Variants in MGAT5 observed in about 807,000 individuals in gnomAD.
MGAT5 encodes alpha-1,6-mannosylglycoprotein 6-beta-N-acetylglucosaminyltransferase A.
MGAT5 carries 30 observed loss-of-function variants against 94.3 expected under a neutral mutation model. The ratio of observed to expected loss-of-function variants is 0.32; its 90% CI spans 0.24 to 0.43. MGAT5 has a LOEUF of 0.43. Among genes scored for constraint, MGAT5 ranks in the 20% least tolerant of loss-of-function variants. The probability of loss-of-function intolerance (pLI) is 1.00; values close to 1 mark genes in which losing one functional copy is unlikely to be tolerated. For synonymous variants in MGAT5, 310 were observed against 322.9 expected, an observed-to-expected ratio of 0.96 and a Z score of 0.43; for missense variants, 691 against 905.5, an observed-to-expected ratio of 0.76 and a Z score of 3.04.
chr2:134,384,651 A>G (rs6714520), intron 10 of MGAT5, among the ~76,000 whole-genome samples: 119,971 of 152,160 alleles, frequency 0.79, 47,604 homozygotes, highest in East Asian at 0.9. Flanking sequence ...TTTGGTGTAC[A>G]AGCATTTATG....
At chr2:134,381,295 G>T (rs2106200444) in intron 10 of MGAT5, among the ~76,000 whole-genome samples, 1 of 146,994 alleles carries the variant, frequency 6.8e-6, no homozygotes, top group Non-Finnish European at 1.5e-5. Flanking sequence ...GCACTCCACT[G>T]CACTCCAGCC....
chr2:134,184,226 T>A (rs1688886306), intron 1 of MGAT5, among the ~76,000 whole-genome samples: 1 of 152,196 alleles, frequency 6.6e-6, no homozygotes, highest in Non-Finnish European at 1.5e-5. Flanking sequence ...GGGAAATGGA[T>A]CATGTTGCTT....
At chr2:134,423,273 G>A (rs1315279452) in intron 13 of MGAT5, among the ~76,000 whole-genome samples, 1 of 152,222 alleles carries the variant, frequency 6.6e-6, no homozygotes, top group Admixed American at 6.5e-5. Flanking sequence ...AGAGGGAGAA[G>A]TGCAAGGAAA....
intron 1 of MGAT5, among the ~76,000 whole-genome samples, chr2:134,204,754 G>GA (rs1679950582): frequency 6.6e-6 from 1 of 152,172 alleles, no homozygotes; most frequent in Non-Finnish European, 1.5e-5. Context: ...GTCAGCTTGT[G>GA]AACAGGTATC....
intron 4 of MGAT5, among the ~76,000 whole-genome samples, chr2:134,333,318 G>C (rs1419879872): frequency 6.6e-6 from 1 of 151,076 alleles, no homozygotes; most frequent in Non-Finnish European, 1.5e-5. Flanking sequence ...ATCATTCTCA[G>C]TAAACTATTG....
At chr2:134,270,843 T>A (rs1683983825) in intron 2 of MGAT5, among the ~76,000 whole-genome samples, 1 of 152,220 alleles carries the variant, frequency 6.6e-6, no homozygotes, top group Non-Finnish European at 1.5e-5. Flanking sequence ...TTAAATGAAA[T>A]ACAGAGGTTA....
Position 134,449,083 on chromosome 2 carries a change from T to C in MGAT5, c.*236T>C, listed in dbSNP as rs1331617858. ...AGCCTGGCTTGTCCCTGGCACAACATCATTTCTGTTTCTCAAGGAGCAACT... is the reference window on the plus strand; with the variant it reads ...AGCCTGGCTTGTCCCTGGCACAACACCATTTCTGTTTCTCAAGGAGCAACT... On this transcript the variant is annotated 3_prime_UTR_variant, in exon 16 of 16. Coordinates refer to ENST00000281923, the MANE Select transcript of MGAT5 (RefSeq NM_002410.5). 1.8e-5 allele frequency: 10 copies of C among 554,934 alleles called. No individual in the cohort carries two copies. The highest frequency in any genetic ancestry group is 3.2e-5 in the Non-Finnish European group (10 of 309,612). The allele number at this position is 554,934 out of a possible 1,614,324, so 34.4% of individuals were successfully genotyped here. A position where few individuals can be genotyped will look rare whatever the true frequency, so the allele number is the denominator to read the frequency against.
At chr2:134,434,825 TAA>T (rs1481848975) in intron 14 of MGAT5, among the ~76,000 whole-genome samples, 1 of 152,230 alleles carries the variant, frequency 6.6e-6, no homozygotes, top group Non-Finnish European at 1.5e-5. Context: ...TACTGTTCGG[TAA>T]TTTTTTAGCA....
intron 1 of MGAT5, among the ~76,000 whole-genome samples, chr2:134,179,133 G>C (rs1410124992): frequency 2.0e-5 from 3 of 152,132 alleles, no homozygotes; most frequent in African/African-American, 7.2e-5. Flanking sequence ...GCAAATAAGT[G>C]TTCTTCTTCT....
At chr2:134,150,373 C>T (rs1449071913) in intron 1 of MGAT5, among the ~76,000 whole-genome samples, 1 of 152,136 alleles carries the variant, frequency 6.6e-6, no homozygotes, top group African/African-American at 2.4e-5. Flanking sequence ...TGTAAATTGT[C>T]CCCTGGTTTC....
At chr2:134,231,117 G>T (rs1681339117) in intron 1 of MGAT5, 2 of 152,148 alleles carry the variant, frequency 1.3e-5, no homozygotes, top group African/African-American at 4.8e-5. Context: ...GAGCTGGAGT[G>T]GGGAGGAGGA....
chr2:134,448,556 C>T (rs1685925692), intron 15 of MGAT5, 93 bp from the exon 16 acceptor site: 2 of 1,152,632 alleles, frequency 1.7e-6, no homozygotes, highest in Non-Finnish European at 1.3e-6. Context: ...TGAACATCCC[C>T]CCATGCCTCA....
At chr2:134,133,727 C>G (rs1291199721) in intron 1 of MGAT5, among the ~76,000 whole-genome samples, 1 of 152,136 alleles carries the variant, frequency 6.6e-6, no homozygotes, top group East Asian at 1.9e-4. Flanking sequence ...AAATCCATCT[C>G]TCTGAGGAGT....
intron 10 of MGAT5, among the ~76,000 whole-genome samples, chr2:134,372,294 T>C (rs6430513): frequency 0.97 from 148,043 of 152,320 alleles, 72,024 homozygotes; most frequent in East Asian, 1. Flanking sequence ...GTACAGCTGA[T>C]CAACCACACG....
chr2:134,258,863 A>G (rs1448099164), intron 1 of MGAT5, among the ~76,000 whole-genome samples: 1 of 152,232 alleles, frequency 6.6e-6, no homozygotes, highest in Non-Finnish European at 1.5e-5. Flanking sequence ...GTGGGGTGTC[A>G]GTGCCTCTCA....
Position 134,177,616 on chromosome 2 carries a change from C to G in MGAT5, c.-143+57325C>G, listed in dbSNP as rs569588815. ...TCAGAATCTTACTCACTATTGCATT[C>G]TTCTGTCCAAATGAACTGATTTATT... On this transcript the variant is annotated intron_variant, in intron 1 of 16. Transcript: ENST00000409645. Among the ~76,000 whole-genome samples, 105 of 152,302 alleles carry G rather than the reference C, an allele frequency of 6.9e-4. 1 individual carries two copies. Among genetic ancestry groups the G allele is most frequent in the Non-Finnish European group, 1.3e-3 (87 of 68,040 alleles).
chr2:134,169,033 T>C (rs1185768547), intron 1 of MGAT5, among the ~76,000 whole-genome samples: 1 of 152,170 alleles, frequency 6.6e-6, no homozygotes, highest in African/African-American at 2.4e-5. Flanking sequence ...CATTGGATCC[T>C]GGGTGGGCAC....
intron 4 of MGAT5, among the ~76,000 whole-genome samples, chr2:134,335,967 G>T (rs1426411617): frequency 1.3e-5 from 2 of 152,122 alleles, no homozygotes; most frequent in Admixed American, 6.6e-5. Flanking sequence ...GGAATTAATT[G>T]CTGTAAAGTA....
At chr2:134,357,462 G>A (rs1165576117) in intron 9 of MGAT5, among the ~76,000 whole-genome samples, 1 of 152,204 alleles carries the variant, frequency 6.6e-6, no homozygotes, top group Non-Finnish European at 1.5e-5. Context: ...TTAGAACCAA[G>A]TCAATTCCCA....
Sources: gnomAD v4.1 joint callset for allele counts (sites outside exome capture counted in the v4.1 genomes callset) on GRCh38, gnomAD v4.1.1 for gene constraint, MANE v1.5 for transcripts, NCBI Gene and HGNC (gene_info 2026-07-23, HGNC 2026-07-21) for gene names.